REC114: variants seen among roughly 807,000 people sequenced by gnomAD.
The protein encoded by REC114 is REC114 meiotic recombination protein.
In REC114, 27 loss-of-function variants were observed where a neutral mutation model predicts 31.3. That is an observed-to-expected ratio of 0.86 (90% CI 0.64 to 1.19). REC114 has a LOEUF of 1.19. Among genes scored for constraint, REC114 ranks in the 50% most tolerant of loss-of-function variants. The pLI, the probability that REC114 is intolerant of heterozygous loss-of-function variation, is 0.00. For synonymous variants in REC114, 134 were observed against 127.7 expected (o/e 1.05, Z -0.33); for missense variants, 344 against 326.9 (o/e 1.05, Z -0.40).
intron 1 of REC114, 97 bp downstream of exon 1, chr15:73,443,441 G>A (rs1892725214): frequency 1.5e-6 from 2 of 1,362,932 alleles, no homozygotes; most frequent in Admixed American, 2.8e-5. Flanking sequence ...AAGCAATGCC[G>A]AGGGGACACC....
chr15:73,527,744 G>A (rs1286610267), intron 2 of REC114, among the ~76,000 whole-genome samples: 1 of 152,140 alleles, frequency 6.6e-6, no homozygotes, highest in Non-Finnish European at 1.5e-5. Context: ...AGTTCAAACA[G>A]GGCTGCAAAA....
chr15:73,443,791 T>G (rs1236349758), intron 1 of REC114, among the ~76,000 whole-genome samples: 1 of 152,242 alleles, frequency 6.6e-6, no homozygotes, highest in South Asian at 2.1e-4. Context: ...GGACTAAATT[T>G]GAATCCTCGC....
chr15:73,477,700 G>A (rs1893234115), intron 2 of REC114, among the ~76,000 whole-genome samples: 4 of 152,152 alleles, frequency 2.6e-5, no homozygotes, highest in Non-Finnish European at 5.9e-5. Flanking sequence ...TTATAGGCAT[G>A]AGTCACTGTG....
intron 2 of REC114, among the ~76,000 whole-genome samples, chr15:73,531,468 A>T (rs1199383231): frequency 6.6e-6 from 1 of 152,204 alleles, no homozygotes; most frequent in South Asian, 2.1e-4. Context: ...TTTATAATGC[A>T]TGAAAAGCAA....
intron 2 of REC114, among the ~76,000 whole-genome samples, chr15:73,516,008 CAG>C (rs1364442969): frequency 6.7e-6 from 1 of 148,610 alleles, no homozygotes; most frequent in African/African-American, 2.5e-5. Context: ...TTTTTGGAGA[CAG>C]AGTTTTGCTC....
In REC114 at chr15:73,529,143, A is replaced by T. The variant is rs555821980; in HGVS notation, c.250-11342A>T. Among the ~76,000 whole-genome samples the T allele has an allele frequency of 9.1e-3, 1,333 of 146,224 alleles. 24 individuals are homozygous for T. The highest frequency in any genetic ancestry group is 0.03 in the African/African-American group (1,221 of 40,058). ...TTTTTATTATTTATTTATTTATTTT[A>T]TTTTTTTTTTTGGAGACAGAGTCTC... On this transcript the variant is annotated intron_variant, in intron 2 of 5. Coordinates refer to ENST00000331090, the MANE Select transcript of REC114 (RefSeq NM_001042367.2).
At chr15:73,504,508 T>G (rs762111921) in intron 2 of REC114, among the ~76,000 whole-genome samples, 1 of 152,178 alleles carries the variant, frequency 6.6e-6, no homozygotes, top group African/African-American at 2.4e-5. Context: ...ATGTTCTTGT[T>G]TGGCAAGAGG....
At position 73,529,375 on chromosome 15, in the gene REC114, TG is replaced by T. The variant is rs541300660; in HGVS notation, c.250-11108del. On this transcript the variant is annotated intron_variant, in intron 2 of 5. Transcript: ENST00000331090. ...GGATGGTCTTGATCTCCTGACCTCGTGGTCCACCTGCCTCGGCCTCCCAAAG... is the reference window on the plus strand; with the variant it reads ...GGATGGTCTTGATCTCCTGACCTCGTGTCCACCTGCCTCGGCCTCCCAAAG... 3.1e-3 allele frequency among the ~76,000 whole-genome samples: 468 copies of T among 152,222 alleles called. 2 individuals are homozygous for T. The highest frequency in any genetic ancestry group is 0.011 in the African/African-American group (446 of 41,542).
intron 2 of REC114, among the ~76,000 whole-genome samples, chr15:73,529,510 A>T (rs1894048271): frequency 6.6e-6 from 1 of 152,104 alleles, no homozygotes; most frequent in Non-Finnish European, 1.5e-5. Flanking sequence ...TAATCCAGGG[A>T]GATGGGAGTT....
At chr15:73,487,533 A>G (rs915188027) in intron 2 of REC114, among the ~76,000 whole-genome samples, 1 of 152,254 alleles carries the variant, frequency 6.6e-6, no homozygotes, top group Non-Finnish European at 1.5e-5. Flanking sequence ...TAAAGCAAAC[A>G]TTAAGTCTTG....
At chr15:73,507,631 A>G (rs901122355) in intron 2 of REC114, among the ~76,000 whole-genome samples, 5 of 152,186 alleles carry the variant, frequency 3.3e-5, no homozygotes, top group Non-Finnish European at 7.3e-5. Flanking sequence ...AATAGACACT[A>G]TATATGGGTA....
At chr15:73,548,818 A>C (rs1894348122) in intron 3 of REC114, among the ~76,000 whole-genome samples, 1 of 152,210 alleles carries the variant, frequency 6.6e-6, no homozygotes, top group South Asian at 2.1e-4. Context: ...GAAAAAGAAA[A>C]TATGGTACAT....
chr15:73,554,942 A>G (rs1014596134), intron 4 of REC114, among the ~76,000 whole-genome samples: 1 of 152,230 alleles, frequency 6.6e-6, no homozygotes, highest in African/African-American at 2.4e-5. Flanking sequence ...GTTTTTACAG[A>G]GGAGAAAACT....
At position 73,443,233 on chromosome 15, in the gene REC114, A is replaced by C. The variant is rs575946798; in HGVS notation, c.48A>C (p.Gly16=). Residue 16 remains glycine, a synonymous_variant, in exon 1 of 6, where the codon GGA becomes GGC. Transcript: ENST00000331090. ...KVPLSLGLTG[G]EAAEWPLQRY... is the part of the protein sequence containing the mutation. The stretch of plus-strand genomic sequence containing the variant: ...CCTTGAGCCTCGGGCTTACCGGAGG[A>C]GAAGCGGCAGAGTGGCCTCTGCAGC... The C allele has an allele frequency of 1.4e-5, 22 of 1,574,450 alleles. No individual in the cohort carries two copies. The East Asian group carries it at 4.7e-4, about 34-fold the overall frequency.
chr15:73,471,962 A>C (rs1375936281), intron 1 of REC114, among the ~76,000 whole-genome samples: 1 of 152,212 alleles, frequency 6.6e-6, no homozygotes, highest in Non-Finnish European at 1.5e-5. Flanking sequence ...TTTAAGGGAA[A>C]AAGAAGCAGA....
intron 2 of REC114, among the ~76,000 whole-genome samples, chr15:73,478,924 G>A (rs189436824): frequency 7.4e-4 from 112 of 152,250 alleles, no homozygotes; most frequent in Middle Eastern, 6.8e-3. Flanking sequence ...TGATCTTGCT[G>A]AACTCATTAG....
chr15:73,538,455 C>CTTTTTTTTT (rs34642401), intron 2 of REC114, among the ~76,000 whole-genome samples: 8 of 124,104 alleles, frequency 6.4e-5, no homozygotes, highest in Non-Finnish European at 1.1e-4. Flanking sequence ...AATTCTATTT[C>CTTTTTTTTT]TTTTTTTTTT....
chr15:73,532,381 T>C (rs1255612729), intron 2 of REC114, among the ~76,000 whole-genome samples: 1 of 149,154 alleles, frequency 6.7e-6, no homozygotes, highest in Non-Finnish European at 1.5e-5. Flanking sequence ...ATCCAATCTA[T>C]CATTGTTGGA....
chr15:73,530,605 A>AC (rs1894065743), intron 2 of REC114, among the ~76,000 whole-genome samples: 1 of 152,188 alleles, frequency 6.6e-6, no homozygotes, highest in Non-Finnish European at 1.5e-5. Context: ...TTATCATCGT[A>AC]CCACTGCACT....
Sources: gnomAD v4.1 joint callset for allele counts (sites outside exome capture counted in the v4.1 genomes callset) on GRCh38, gnomAD v4.1.1 for gene constraint, MANE v1.5 for transcripts, NCBI Gene and HGNC (gene_info 2026-07-23, HGNC 2026-07-21) for gene names.